Variants in TIMP2 observed in about 807,000 individuals in gnomAD.
TIMP2 encodes TIMP metallopeptidase inhibitor 2.
Under a neutral mutation model 24.3 loss-of-function variants are expected in TIMP2, and 5 were observed. The ratio of observed to expected loss-of-function variants is 0.21; its 90% CI spans 0.11 to 0.43. TIMP2 has a LOEUF of 0.43. TIMP2 is among the 20% of genes least tolerant of loss of function. The probability of loss-of-function intolerance (pLI) is 1.00; values close to 1 mark genes in which losing one functional copy is unlikely to be tolerated. For missense variants in TIMP2, 221 were observed against 297.5 expected, an observed-to-expected ratio of 0.74 and a Z score of 1.89; for synonymous variants, 130 against 123.2, an observed-to-expected ratio of 1.06 and a Z score of -0.37.
intron 1 of TIMP2, among the ~76,000 whole-genome samples, chr17:78,889,686 C>T (rs2069861064): frequency 6.6e-6 from 1 of 152,226 alleles, no homozygotes; most frequent in East Asian, 1.9e-4. Flanking sequence ...TGAAAACAGA[C>T]TGTCACCCAG....
intron 1 of TIMP2, among the ~76,000 whole-genome samples, chr17:78,921,381 T>C (rs2145798605): frequency 6.6e-6 from 1 of 152,350 alleles, no homozygotes; most frequent in African/African-American, 2.4e-5. Flanking sequence ...CGCAGAGGTC[T>C]TCTAGGATAA....
chr17:78,893,351 G>T (rs1035439732), intron 1 of TIMP2, among the ~76,000 whole-genome samples: 1 of 147,278 alleles, frequency 6.8e-6, no homozygotes, highest in Non-Finnish European at 1.5e-5. Context: ...GTGTGCAGGG[G>T]TGTGTGTGCA....
chr17:78,902,249 A>G (rs1474080158), intron 1 of TIMP2, among the ~76,000 whole-genome samples: 2 of 152,362 alleles, frequency 1.3e-5, no homozygotes, highest in East Asian at 3.9e-4. Flanking sequence ...CTGGGACTAC[A>G]GGCGCACGCC....
intron 2 of TIMP2, among the ~76,000 whole-genome samples, chr17:78,871,687 A>G (rs2145754299): frequency 6.6e-6 from 1 of 151,650 alleles, no homozygotes; most frequent in South Asian, 2.1e-4. Context: ...TCTACTAAAA[A>G]TACAGAAATT....
At chr17:78,917,869 G>A (rs2070273027) in intron 1 of TIMP2, among the ~76,000 whole-genome samples, 2 of 152,296 alleles carry the variant, frequency 1.3e-5, no homozygotes. Flanking sequence ...GAGGGTGGAA[G>A]AGGAGAGAAA....
intron 1 of TIMP2, among the ~76,000 whole-genome samples, chr17:78,882,213 C>T (rs1240046127): frequency 6.6e-6 from 1 of 152,202 alleles, no homozygotes; most frequent in Non-Finnish European, 1.5e-5. Flanking sequence ...CTCACGTGAT[C>T]CACCCATCTT....
At position 78,891,933 on chromosome 17, in the gene TIMP2, G is replaced by T; in HGVS notation, c.131-18014C>A. The stretch of plus-strand genomic sequence containing the variant: ...GCTGCTGTCTTCCGGGGCCTGGAGT[G>T]CCTGGGGTGTTGCTGGCCCAACTCT... On this transcript the variant is annotated intron_variant, in intron 1 of 4. Transcript: ENST00000262768. This position sits in a 1 kb window ranked among gnomAD's most constrained non-coding sequence, Gnocchi z 4.5. The T allele has an allele frequency of 6.4e-7, 1 of 1,550,586 alleles. No individual in the cohort carries two copies. Among genetic ancestry groups the T allele is most frequent in the Non-Finnish European group, 8.7e-7 (1 of 1,146,994 alleles).
At chr17:78,916,412 C>A (rs545159946) in intron 1 of TIMP2, among the ~76,000 whole-genome samples, 1 of 152,334 alleles carries the variant, frequency 6.6e-6, no homozygotes, top group East Asian at 1.9e-4. Flanking sequence ...TAGCTCAAAT[C>A]CCTCTCGCCG....
intron 3 of TIMP2, among the ~76,000 whole-genome samples, chr17:78,859,811 G>T (rs975491523): frequency 4.6e-5 from 7 of 151,960 alleles, no homozygotes; most frequent in Admixed American, 3.9e-4. Flanking sequence ...GGCCAACATG[G>T]TGAAACCCCG....
chr17:78,901,771 G>C (rs1324224239), intron 1 of TIMP2: 1 of 717,270 alleles, frequency 1.4e-6, no homozygotes. Flanking sequence ...TTGGGGAAGA[G>C]GGGTGGTACT....
rs1003350982 is a variant in TIMP2 at position 78,920,744 on chromosome 17, G to C, written c.130+4215C>G. 1.3e-5 allele frequency among the ~76,000 whole-genome samples: 2 copies of C among 152,052 alleles called. No homozygotes were observed. The highest frequency in any genetic ancestry group is 2.9e-5 in the Non-Finnish European group (2 of 68,012). On this transcript the variant is annotated intron_variant, in intron 1 of 4. Coordinates refer to ENST00000262768, the MANE Select transcript of TIMP2 (RefSeq NM_003255.5). This position sits in a 1 kb window ranked among gnomAD's most constrained non-coding sequence, Gnocchi z 4.5. ...GTTTATCTGTTGTTAATTATTTACC[G>C]AAACCACACTGAGTGGACTGACTTT...
At chr17:78,876,161 C>T (rs2069726290) in intron 1 of TIMP2, among the ~76,000 whole-genome samples, 1 of 152,066 alleles carries the variant, frequency 6.6e-6, no homozygotes, top group Non-Finnish European at 1.5e-5. Context: ...CGTTTCTGCT[C>T]AAACATCATC....
chr17:78,905,583 G>A (rs73397207), intron 1 of TIMP2, among the ~76,000 whole-genome samples: 2,388 of 152,348 alleles, frequency 0.016, 70 homozygotes, highest in African/African-American at 0.054. Context: ...AGGATGGCAC[G>A]CTAGGCCTTC....
chr17:78,864,021 C>T lies in TIMP2; in HGVS notation c.341-6375G>A, dbSNP rs527578943. 8.6e-5 allele frequency among the ~76,000 whole-genome samples: 13 copies of T among 150,874 alleles called. No homozygotes were observed. In the South Asian group the frequency reaches 2.7e-3, roughly 31 times the overall value. On this transcript the variant is annotated intron_variant, in intron 3 of 4. Transcript: ENST00000262768. ...CGAACTCGAGCAGGTGTTTTCAGAG[C>T]CTTCACTCGGGCATCTCATTGTATT... is the stretch of plus-strand genomic sequence containing the variant.
At chr17:78,872,509 A>G (rs1222345864) in intron 2 of TIMP2, among the ~76,000 whole-genome samples, 2 of 152,186 alleles carry the variant, frequency 1.3e-5, no homozygotes, top group African/African-American at 2.4e-5. Flanking sequence ...AAGAGTTTCA[A>G]TAAGCAAACC....
chr17:78,877,641 T>C (rs930391683), intron 1 of TIMP2, among the ~76,000 whole-genome samples: 1 of 152,014 alleles, frequency 6.6e-6, no homozygotes, highest in Non-Finnish European at 1.5e-5. Context: ...CCGGCCTTTA[T>C]TACAGTCTGC....
At chr17:78,892,509 G>C in intron 1 of TIMP2, 3 of 1,501,088 alleles carry the variant, frequency 2.0e-6, no homozygotes, top group Non-Finnish European at 2.7e-6. Context: ...TCCCAGGAGA[G>C]TGAGCAAAGC....
At chr17:78,888,010 A>C (rs1370081805) in intron 1 of TIMP2, among the ~76,000 whole-genome samples, 2 of 152,198 alleles carry the variant, frequency 1.3e-5, no homozygotes, top group Non-Finnish European at 2.9e-5. Flanking sequence ...GAGGCCAAAA[A>C]ACCTAGCTTT....
chr17:78,892,963 G>A (rs967097971), intron 1 of TIMP2, among the ~76,000 whole-genome samples: 4 of 152,194 alleles, frequency 2.6e-5, no homozygotes, highest in Admixed American at 6.5e-5. Context: ...AGAAGAGCAG[G>A]TGGAAGTAAA....
Sources: allele counts gnomAD v4.1 joint callset (sites outside exome capture counted in the v4.1 genomes callset), GRCh38; gene constraint gnomAD v4.1.1; non-coding constraint Gnocchi (gnomAD v3.1); transcripts MANE v1.5; gene names NCBI Gene and HGNC (gene_info 2026-07-23, HGNC 2026-07-21).